ZNF790: variants seen among roughly 807,000 people sequenced by gnomAD.
ZNF790 encodes the protein zinc finger protein 790.
A neutral mutation model predicts 12.1 loss-of-function variants in ZNF790; 8 were observed. That is an observed-to-expected ratio of 0.66 (90% CI 0.39 to 1.19). ZNF790 has a LOEUF of 1.19. Among genes scored for constraint, ZNF790 ranks in the 50% most tolerant of loss-of-function variants. The pLI, the probability that ZNF790 is intolerant of heterozygous loss-of-function variation, is 0.01. For synonymous variants in ZNF790, 252 were observed against 244.3 expected (o/e 1.03, Z -0.29); for missense variants, 707 against 752.2 (o/e 0.94, Z 0.70).
intron 1 of ZNF790, chr19:36,827,839 A>G (rs1241409005): frequency 1.3e-5 from 2 of 152,228 alleles, no homozygotes; most frequent in African/African-American, 2.4e-5. Context: ...AGTTTGGGCC[A>G]TATTTCAGAG....
At chr19:36,838,941 T>G (rs1332974859), upstream of ZNF790, among the ~76,000 whole-genome samples, 1 of 152,182 alleles carries the variant, frequency 6.6e-6, no homozygotes, top group Admixed American at 6.5e-5. The surrounding 1 kb of genome is among the most constrained non-coding windows in gnomAD (Gnocchi z 4.4). Flanking sequence ...CAGCCTGGGA[T>G]AGAACGAAGG....
chr19:36,831,762 T>C (rs575635223), intron 1 of ZNF790, among the ~76,000 whole-genome samples: 57 of 152,330 alleles, frequency 3.7e-4, no homozygotes, highest in African/African-American at 1.3e-3. Flanking sequence ...TGGTTGTAGC[T>C]GTGTATCTAA....
In ZNF790 at chr19:36,818,755, C is replaced by A; in HGVS notation, c.1589G>T (p.Gly530Val). ...QLTRHQRMHTGEEPYVCKECG... is the reference protein window; with the variant it reads ...QLTRHQRMHTVEEPYVCKECG... Reference sequence around the variant, plus strand: ...TTCTTTACATACGTAAGGTTCCTCACCAGTATGCATTCTCTGATGTCGAGT... The same window carrying A: ...TTCTTTACATACGTAAGGTTCCTCAACAGTATGCATTCTCTGATGTCGAGT... The change falls in exon 5 of 5, where the codon GGT becomes GTT. Residue 530 changes from glycine (G) to valine (V), a missense_variant. Coordinates refer to ENST00000356725, the MANE Select transcript of ZNF790 (RefSeq NM_206894.4). The A allele has an allele frequency of 6.2e-7, 1 of 1,611,412 alleles. No individual in the cohort carries two copies. Among genetic ancestry groups the A allele is most frequent in the South Asian group, 1.1e-5 (1 of 90,870 alleles).
chr19:36,831,831 G>A (rs1291977786), intron 1 of ZNF790, among the ~76,000 whole-genome samples: 1 of 152,060 alleles, frequency 6.6e-6, no homozygotes, highest in Non-Finnish European at 1.5e-5. Context: ...TAAACGTGAT[G>A]AAAAGTGAAA....
intron 1 of ZNF790, among the ~76,000 whole-genome samples, chr19:36,844,964 C>T (rs1318653821): frequency 1.5e-5 from 2 of 129,392 alleles, no homozygotes; most frequent in Non-Finnish European, 3.1e-5. Context: ...AGGAGAATGG[C>T]GTGAACCCGG....
chr19:36,827,145 T>C (rs940422499), intron 1 of ZNF790, among the ~76,000 whole-genome samples: 19,721 of 47,516 alleles, frequency 0.42, 2,476 homozygotes, highest in Non-Finnish European at 0.48. Flanking sequence ...CACACACATA[T>C]ATATATATAT....
At chr19:36,821,833 C>T (rs1251853104) in intron 4 of ZNF790, among the ~76,000 whole-genome samples, 4 of 152,038 alleles carry the variant, frequency 2.6e-5, no homozygotes, top group Admixed American at 6.6e-5. Context: ...ATGATTCACC[C>T]GCCTCGGCCT....
rs751242306 is a variant in ZNF790, at chr19:36,819,392, C to T, written c.952G>A (p.Ala318Thr). 1.1e-5 allele frequency: 18 copies of T among 1,612,686 alleles called. No individual in the cohort carries two copies. Among genetic ancestry groups the T allele is most frequent in the Middle Eastern group, 1.6e-4 (1 of 6,068 alleles). The change falls in exon 5 of 5, where the codon GCC (alanine) becomes ACC (threonine). Residue 318 changes from alanine to threonine, a missense_variant. Ala to Thr is a moderately conservative substitution (Grantham distance 58). Coordinates refer to ENST00000356725, the MANE Select transcript of ZNF790 (RefSeq NM_206894.4). The stretch of plus-strand genomic sequence containing the variant: ...ATAAGATGTGATCGCTGACTAAAGG[C>T]CTTTCTACATTCATTACATTCATAG... ...KPYECNECRKAFSQRSHLIKH... is the reference protein window; with the variant it reads ...KPYECNECRKTFSQRSHLIKH...
At chr19:36,845,577 G>T (rs1031151815) in intron 1 of ZNF790, among the ~76,000 whole-genome samples, 13 of 152,158 alleles carry the variant, frequency 8.5e-5, no homozygotes, top group Non-Finnish European at 1.8e-4. Flanking sequence ...GGTAAATGGA[G>T]TTAAAGTGTC....
upstream of ZNF790, among the ~76,000 whole-genome samples, chr19:36,843,374 G>C (rs2072147547): frequency 6.6e-6 from 1 of 152,182 alleles, no homozygotes; most frequent in Non-Finnish European, 1.5e-5. Flanking sequence ...AGTCTTGCTG[G>C]ATTAAGAAGA....
In ZNF790 at chr19:36,819,054, A is replaced by T. The variant is rs2071606131; in HGVS notation, c.1290T>A (p.Thr430=). ...GAGCAAGATACGAAGCCCAAGTAAA[A>T]GTCTTCCCGCATTGCTTACATTCAT... ...KPYECKQCGK[T]FTWASYLAQH... is the part of the protein sequence containing the mutation. Residue 430 remains threonine (T), a synonymous_variant, in exon 5 of 5, where the codon ACT becomes ACA. Coordinates refer to ENST00000356725, the MANE Select transcript of ZNF790 (RefSeq NM_206894.4). The T allele has an allele frequency of 6.2e-7, 1 of 1,613,962 alleles. No individual in the cohort carries two copies. The highest frequency in any genetic ancestry group is 1.3e-5 in the African/African-American group (1 of 74,906).
At chr19:36,849,018 C>T (rs918548122) in intron 1 of ZNF790, among the ~76,000 whole-genome samples, 4 of 152,176 alleles carry the variant, frequency 2.6e-5, no homozygotes, top group African/African-American at 9.7e-5. Context: ...GTCTTGAACT[C>T]CTGGGCTCAA....
rs770513960 is a variant in ZNF790, at chr19:36,818,792, C to G, written c.1552G>C (p.Gly518Arg). 1.6e-5 allele frequency: 25 copies of G among 1,610,244 alleles called. No homozygotes were observed. The highest frequency in any genetic ancestry group is 2.0e-5 in the Non-Finnish European group (24 of 1,178,404). The change falls in exon 5 of 5, where the codon GGT becomes CGT. Residue 518 changes from glycine (G) to arginine (R), a missense_variant. Gly to Arg is a moderately radical substitution (Grantham distance 125, BLOSUM62 -2). Coordinates refer to ENST00000356725, the MANE Select transcript of ZNF790 (RefSeq NM_206894.4). ...CEECGKAFLW[G>R]SQLTRHQRMH... The stretch of plus-strand genomic sequence containing the variant: ...CTCTGATGTCGAGTAAGTTGTGAAC[C>G]CCAGAGAAAGGCTTTTCCACATTCT...
chr19:36,835,680 A>G (rs1417918788), intron 1 of ZNF790, among the ~76,000 whole-genome samples: 4 of 152,134 alleles, frequency 2.6e-5, no homozygotes, highest in Non-Finnish European at 5.9e-5. Context: ...TTACTAGGCT[A>G]AAATCAAGGT....
At position 36,827,141 on chromosome 19, in the gene ZNF790, CATATATATATAT is replaced by C. The variant is rs369671729; in HGVS notation, c.-73-1461_-73-1450del. Among the ~76,000 whole-genome samples, 166 of 84,442 alleles carry C rather than the reference CATATATATATAT, an allele frequency of 2.0e-3. 4 individuals carry two copies. The highest frequency in any genetic ancestry group is 0.014 in the East Asian group (28 of 2,062). The allele number at this position is 84,442 out of a possible 152,430, so 55.4% of individuals were successfully genotyped here. On this transcript the variant is annotated intron_variant, in intron 1 of 4. Transcript: ENST00000356725. ...ATACACACACACACACACACACACA[CATATATATATAT>C]ATATATATATATATATATATATATA...
At chr19:36,822,614 C>T in intron 4 of ZNF790, among the ~76,000 whole-genome samples, 1 of 152,234 alleles carries the variant, frequency 6.6e-6, no homozygotes, top group East Asian at 1.9e-4. Flanking sequence ...AGTCTTGGCT[C>T]ACTGCAACTT....
intron 1 of ZNF790, among the ~76,000 whole-genome samples, chr19:36,837,362 C>A (rs933499902): frequency 6.6e-6 from 1 of 152,194 alleles, no homozygotes; most frequent in Non-Finnish European, 1.5e-5. Flanking sequence ...GCCCTCTCAA[C>A]ATTTCCCCAG....
rs560812358 is a variant in ZNF790, at chr19:36,820,194, C to G, written c.230-80G>C. 6.5e-5 allele frequency: 93 copies of G among 1,433,906 alleles called. No homozygotes were observed. The African/African-American group carries it at 1.2e-3, about 18-fold the overall frequency. The allele number at this position is 1,433,906 out of a possible 1,614,324, so 88.8% of individuals were successfully genotyped here. On this transcript the variant is annotated intron_variant, in intron 4 of 4. Transcript: ENST00000356725. ...AACTTCTAAAATAGATATAGAAAAT[C>G]TTGAAGTAAAGCATATGAGAAGTGA...
At chr19:36,847,723 C>T (rs965867181) in intron 1 of ZNF790, among the ~76,000 whole-genome samples, 8 of 147,136 alleles carry the variant, frequency 5.4e-5, no homozygotes, top group Non-Finnish European at 1.2e-4. Flanking sequence ...ACACTCCAGC[C>T]TGGGCGACAA....
Sources: allele counts gnomAD v4.1 joint callset (sites outside exome capture counted in the v4.1 genomes callset), GRCh38; gene constraint gnomAD v4.1.1; non-coding constraint Gnocchi (gnomAD v3.1); transcripts MANE v1.5; gene names NCBI Gene and HGNC (gene_info 2026-07-23, HGNC 2026-07-21).